Variants in LINGO2 observed in about 807,000 individuals in gnomAD.
The protein encoded by LINGO2 is leucine rich repeat and Ig domain containing 2.
Under a neutral mutation model 30.6 loss-of-function variants are expected in LINGO2, and 14 were observed. The ratio of observed to expected loss-of-function variants is 0.46; its 90% CI spans 0.30 to 0.72. The LOEUF (loss-of-function observed/expected upper bound fraction) is 0.72. Among genes scored for constraint, LINGO2 ranks in the 30% least tolerant of loss-of-function variants. LINGO2 has a pLI of 0.07. For missense variants in LINGO2, 729 were observed against 751.7 expected, an observed-to-expected ratio of 0.97 and a Z score of 0.35; for synonymous variants, 317 against 288.5, an observed-to-expected ratio of 1.10 and a Z score of -1.00.
the LINGO2 span, among the ~76,000 whole-genome samples, chr9:28,878,167 T>G: frequency 6.6e-6 from 1 of 151,928 alleles, no homozygotes; most frequent in African/African-American, 2.4e-5. Context: ...TCACCACCAA[T>G]CCCACAGAAA....
chr9:28,430,105 C>CGTGTGT (rs1282819258), intron 2 of LINGO2, among the ~76,000 whole-genome samples: 4 of 30,344 alleles, frequency 1.3e-4, no homozygotes, highest in Non-Finnish European at 2.2e-4. Context: ...CACGCGCGCG[C>CGTGTGT]GCGCGTGTGT....
At chr9:28,098,088 T>C (rs1826300441) in intron 4 of LINGO2, among the ~76,000 whole-genome samples, 1 of 152,150 alleles carries the variant, frequency 6.6e-6, no homozygotes, top group Non-Finnish European at 1.5e-5. Context: ...GTGCATCACT[T>C]GAGGTCAGGA....
At chr9:28,547,901 T>C (rs1564282716) in intron 1 of LINGO2, among the ~76,000 whole-genome samples, 1 of 152,272 alleles carries the variant, frequency 6.6e-6, no homozygotes, top group South Asian at 2.1e-4. Flanking sequence ...TAAGTTGTTA[T>C]ACAAATTTCA....
intron 1 of LINGO2, among the ~76,000 whole-genome samples, chr9:28,517,402 T>G (rs1216711787): frequency 6.6e-6 from 1 of 152,178 alleles, no homozygotes; most frequent in Non-Finnish European, 1.5e-5. Context: ...CTGAATGCTA[T>G]TTAATCACTC....
intron 1 of LINGO2, among the ~76,000 whole-genome samples, chr9:28,508,491 T>C (rs1820241471): frequency 6.6e-6 from 1 of 152,092 alleles, no homozygotes; most frequent in Non-Finnish European, 1.5e-5. Flanking sequence ...TCTCTTTTTT[T>C]CCCTTTGTAC....
At chr9:28,624,339 G>T (rs1013986206) in intron 1 of LINGO2, among the ~76,000 whole-genome samples, 1 of 151,922 alleles carries the variant, frequency 6.6e-6, no homozygotes, top group African/African-American at 2.4e-5. Context: ...TTATATTGGG[G>T]TGTGTTTTTT....
chr9:28,511,139 C>T, intron 1 of LINGO2, among the ~76,000 whole-genome samples: 1 of 152,142 alleles, frequency 6.6e-6, no homozygotes, highest in Non-Finnish European at 1.5e-5. Flanking sequence ...TTGTATCTTT[C>T]AGTCCAATCA....
intron 1 of LINGO2, among the ~76,000 whole-genome samples, chr9:28,562,402 G>A (rs1320684806): frequency 8.9e-6 from 1 of 112,480 alleles, no homozygotes; most frequent in African/African-American, 3.5e-5. Flanking sequence ...CAAAATGAAT[G>A]TTTTCCAAGA....
At chr9:28,967,779 A>T in the LINGO2 span, among the ~76,000 whole-genome samples, 1 of 152,194 alleles carries the variant, frequency 6.6e-6, no homozygotes, top group Non-Finnish European at 1.5e-5. Context: ...TAATATCACT[A>T]AAACTGTAAG....
exon 6 of LINGO2, chr9:27,950,673 A>C: frequency 2.0e-6 from 3 of 1,497,164 alleles, no homozygotes; most frequent in Non-Finnish European, 2.7e-6. Flanking sequence ...GTGAAGCATG[A>C]CTCCACTTCT....
chr9:28,180,054 A>G (rs1020616909), intron 4 of LINGO2, among the ~76,000 whole-genome samples: 1 of 152,150 alleles, frequency 6.6e-6, no homozygotes, highest in Non-Finnish European at 1.5e-5. Flanking sequence ...TCTGTCCTGT[A>G]TGTCATTAAT....
chr9:28,041,292 A>C (rs1263465427), intron 4 of LINGO2, among the ~76,000 whole-genome samples: 1 of 152,190 alleles, frequency 6.6e-6, no homozygotes, highest in African/African-American at 2.4e-5. Context: ...GATCAACGTA[A>C]CTTAGTTCAC....
At chr9:29,197,505 T>C in the LINGO2 span, among the ~76,000 whole-genome samples, 2 of 152,140 alleles carry the variant, frequency 1.3e-5, no homozygotes, top group Admixed American at 1.3e-4. Flanking sequence ...ATAGATAATA[T>C]TTTCAAAGTT....
chr9:28,017,872 A>C (rs1057389916), intron 4 of LINGO2, among the ~76,000 whole-genome samples: 3 of 152,178 alleles, frequency 2.0e-5, no homozygotes, highest in Non-Finnish European at 4.4e-5. Flanking sequence ...ATTCATATGG[A>C]AACAAAAAAC....
chr9:28,438,401 C>T (rs903243698), intron 2 of LINGO2, among the ~76,000 whole-genome samples: 1 of 152,136 alleles, frequency 6.6e-6, no homozygotes, highest in Non-Finnish European at 1.5e-5. Flanking sequence ...TGAGCTGCGA[C>T]ATCCATCTTC....
intron 5 of LINGO2, among the ~76,000 whole-genome samples, chr9:27,984,479 A>AAGCTCTGAG (rs1051869618): frequency 5.9e-5 from 9 of 151,936 alleles, no homozygotes; most frequent in Admixed American, 5.9e-4. Flanking sequence ...ACTTCCTTCA[A>AAGCTCTGAG]AGCTCTGAGT....
the LINGO2 span, among the ~76,000 whole-genome samples, chr9:29,037,137 T>G: frequency 2.0e-5 from 3 of 151,902 alleles, no homozygotes; most frequent in African/African-American, 7.2e-5. Context: ...ATTTTAATGT[T>G]GTTATCCTTA....
intron 4 of LINGO2, among the ~76,000 whole-genome samples, chr9:28,211,174 T>A (rs141250739): frequency 1.3e-5 from 2 of 151,602 alleles, no homozygotes; most frequent in Non-Finnish European, 3.0e-5. Flanking sequence ...ACTATACAAA[T>A]ATACACTACT....
At chr9:28,971,651 C>T in the LINGO2 span, among the ~76,000 whole-genome samples, 2 of 152,222 alleles carry the variant, frequency 1.3e-5, no homozygotes, top group Non-Finnish European at 2.9e-5. Flanking sequence ...AGGTAGACTT[C>T]TAAAGTTTTT....
Sources: allele counts gnomAD v4.1 joint callset (sites outside exome capture counted in the v4.1 genomes callset), GRCh38; gene constraint gnomAD v4.1.1; transcripts MANE v1.5; gene names NCBI Gene and HGNC (gene_info 2026-07-23, HGNC 2026-07-21).